Variants in MYO16 observed in about 807,000 individuals in gnomAD.
The protein encoded by MYO16 is unconventional myosin-XVI.
In MYO16, 94 loss-of-function variants were observed where a neutral mutation model predicts 205.3. The ratio of observed to expected loss-of-function variants is 0.46; its 90% CI spans 0.39 to 0.54. The LOEUF (loss-of-function observed/expected upper bound fraction) is 0.54. Ranked by LOEUF, MYO16 falls within the 20% of genes least tolerant of loss-of-function variation. The pLI is 0.00. For missense variants in MYO16, 2,315 were observed against 2,387.5 expected (o/e 0.97, Z 0.63); for synonymous variants, 988 against 954.0 (o/e 1.04, Z -0.66).
At chr13:108,654,813 G>C (rs914520261) in intron 1 of MYO16, among the ~76,000 whole-genome samples, 3 of 152,304 alleles carry the variant, frequency 2.0e-5, no homozygotes, top group Non-Finnish European at 2.9e-5. Context: ...GGTGACTCTT[G>C]CTACGTTTTA....
At chr13:108,628,761 C>T (rs906508685), upstream of MYO16, among the ~76,000 whole-genome samples, 2 of 152,024 alleles carry the variant, frequency 1.3e-5, no homozygotes, top group Non-Finnish European at 2.9e-5. Context: ...ATGTTACTGC[C>T]ACAGAAGGAT....
At chr13:108,538,152 C>A in the MYO16 span, among the ~76,000 whole-genome samples, 1 of 151,830 alleles carries the variant, frequency 6.6e-6, no homozygotes, top group South Asian at 2.1e-4. Context: ...TCTATTAGCA[C>A]AAAATATATT....
At chr13:108,612,674 A>G (rs7317515) in intron 1 of MYO16, among the ~76,000 whole-genome samples, 149,870 of 151,852 alleles carry the variant, frequency 0.99, 73,983 homozygotes, top group South Asian at 1. Flanking sequence ...AGGGAGGCTC[A>G]GAGGAAGGGG....
chr13:109,160,289 A>G (rs1174019057), intron 32 of MYO16, among the ~76,000 whole-genome samples: 1 of 152,202 alleles, frequency 6.6e-6, no homozygotes, highest in Non-Finnish European at 1.5e-5. Context: ...AGACAACCGA[A>G]TTTTTTGTAT....
the MYO16 span, among the ~76,000 whole-genome samples, chr13:108,574,009 C>T: frequency 3.3e-5 from 5 of 152,078 alleles, no homozygotes; most frequent in East Asian, 3.9e-4. Flanking sequence ...TGTCAGCACA[C>T]CTGGCTAATT....
In MYO16 at chr13:108,712,648, CTGT is replaced by C; in HGVS notation, c.293-8_293-6del. The C allele has an allele frequency of 6.2e-7, 1 of 1,612,986 alleles. No homozygotes were observed. The highest frequency in any genetic ancestry group is 8.5e-7 in the Non-Finnish European group (1 of 1,178,888). ...ACTCTCTGTAACTCCATTCTCCTCT[CTGT>C]TGTTTTCAGTGCTTCGGCTCCTGAA... is the stretch of plus-strand genomic sequence containing the variant. On this transcript the variant is annotated splice_polypyrimidine_tract_variant and intron_variant, in intron 2 of 34. Transcript: ENST00000457511.
chr13:108,687,494 A>G (rs117132824), intron 2 of MYO16, among the ~76,000 whole-genome samples: 2 of 149,888 alleles, frequency 1.3e-5, no homozygotes, highest in Non-Finnish European at 3.0e-5. Context: ...ATTTTACTTT[A>G]AGATTCAAAA....
intron 12 of MYO16, among the ~76,000 whole-genome samples, chr13:108,867,158 A>G (rs1878762817): frequency 6.6e-6 from 1 of 151,802 alleles, no homozygotes; most frequent in African/African-American, 2.4e-5. Context: ...ATCCTGGGCA[A>G]CATAATGAGA....
intron 23 of MYO16, among the ~76,000 whole-genome samples, chr13:109,029,241 A>G (rs1886475553): frequency 6.7e-6 from 1 of 149,492 alleles, no homozygotes; most frequent in African/African-American, 2.5e-5. Flanking sequence ...CAGCTTCCCA[A>G]GTAGCTGGGA....
At chr13:108,972,239 CTCTCTCTCTCTATA>C (rs1274263984) in intron 20 of MYO16, among the ~76,000 whole-genome samples, 2 of 15,478 alleles carry the variant, frequency 1.3e-4, no homozygotes, top group Non-Finnish European at 2.7e-4. Flanking sequence ...CTCTCTCTCT[CTCTCTCTCTCTATA>C]TATATATATA....
intron 33 of MYO16, among the ~76,000 whole-genome samples, chr13:109,174,034 G>T (rs970593843): frequency 1.3e-5 from 2 of 151,948 alleles, no homozygotes; most frequent in Non-Finnish European, 2.9e-5. Context: ...TGAGTTTGGG[G>T]GTGCCAGTTT....
chr13:108,886,480 T>G, intron 13 of MYO16: 1 of 456,092 alleles, frequency 2.2e-6, no homozygotes, highest in Non-Finnish European at 4.4e-6. Context: ...GAGTAGAATT[T>G]ATTATGCGAA....
chr13:109,055,304 G>A lies in MYO16; in HGVS notation c.3130-86G>A, dbSNP rs536591361. On this transcript the variant is annotated intron_variant, in intron 26 of 34. Transcript: ENST00000457511. This position sits in a 1 kb window ranked among gnomAD's most constrained non-coding sequence, Gnocchi z 5.0. ...TAAATGCATAATGAGATTTAAAGAC[G>A]TAAAGACTTTTTATTTAAAAACTGC... 40 of 1,158,366 alleles carry A rather than the reference G, an allele frequency of 3.5e-5. No homozygotes were observed. The East Asian group carries it at 6.1e-4, about 18-fold the overall frequency. The allele number at this position is 1,158,366 out of a possible 1,614,324, so 71.8% of individuals were successfully genotyped here. A position where few individuals can be genotyped will look rare whatever the true frequency, so the allele number is the denominator to read the frequency against.
chr13:108,945,374 G>T (rs990298481), intron 16 of MYO16, among the ~76,000 whole-genome samples: 1 of 152,078 alleles, frequency 6.6e-6, no homozygotes, highest in Non-Finnish European at 1.5e-5. Flanking sequence ...TATTTGGAGG[G>T]TTATTCATTA....
chr13:108,589,487 T>C, the MYO16 span, among the ~76,000 whole-genome samples: 4 of 152,192 alleles, frequency 2.6e-5, no homozygotes, highest in Non-Finnish European at 5.9e-5. Flanking sequence ...GTGAAATTTA[T>C]TGTTTCATGA....
intron 4 of MYO16, among the ~76,000 whole-genome samples, chr13:108,738,112 A>T (rs987596855): frequency 6.6e-6 from 1 of 151,594 alleles, no homozygotes; most frequent in East Asian, 1.9e-4. Context: ...ATTTTGAAGG[A>T]TTTTTTTTGT....
chr13:108,549,527 A>G, the MYO16 span, among the ~76,000 whole-genome samples: 2 of 152,200 alleles, frequency 1.3e-5, no homozygotes, highest in African/African-American at 4.8e-5. Flanking sequence ...TTACAGTAAC[A>G]ATGGAAAACC....
intron 10 of MYO16, among the ~76,000 whole-genome samples, chr13:108,847,134 G>C (rs1405217612): frequency 6.6e-6 from 1 of 152,150 alleles, no homozygotes; most frequent in Admixed American, 6.6e-5. Context: ...AATTTAATAA[G>C]ACGTTTCTAA....
At chr13:108,639,264 C>T (rs1406753053) in intron 1 of MYO16, among the ~76,000 whole-genome samples, 2 of 152,218 alleles carry the variant, frequency 1.3e-5, no homozygotes, top group Admixed American at 6.5e-5. Context: ...GAGGCGTGGT[C>T]TGACTAGAGA....
Sources: gnomAD v4.1 joint callset for allele counts (sites outside exome capture counted in the v4.1 genomes callset) on GRCh38, gnomAD v4.1.1 for gene constraint, Gnocchi (gnomAD v3.1) non-coding constraint, MANE v1.5 for transcripts, NCBI Gene and HGNC (gene_info 2026-07-23, HGNC 2026-07-21) for gene names.